SUPT6H: variants seen among roughly 807,000 people sequenced by gnomAD.
SUPT6H encodes SPT6 homolog, histone chaperone and transcription elongation factor.
A neutral mutation model predicts 222.3 loss-of-function variants in SUPT6H; 11 were observed. That is an observed-to-expected ratio of 0.05 (90% CI 0.03 to 0.08). The LOEUF (loss-of-function observed/expected upper bound fraction) is 0.08, where lower values mean the gene tolerates loss of function less well. SUPT6H is among the 10% of genes least tolerant of loss of function. The pLI is 1.00. For missense variants in SUPT6H, 1,422 were observed against 2,216.0 expected (o/e 0.64, Z 7.19); for synonymous variants, 762 against 801.2 (o/e 0.95, Z 0.83).
At position 28,701,066 on chromosome 17, in the gene SUPT6H, A is replaced by C. The variant is rs975130320; in HGVS notation, c.4932A>C (p.Pro1644=). ...ACCAGCTCCAGGCCAGCACCACCCC[A>C]CAGTCGGCCCAGGCCCAGCCCCAGC... ...QYHQLQASTT[P]QSAQAQPQPS... The change falls in exon 36 of 37, where the codon CCA becomes CCC. Residue 1644 remains proline (P), a synonymous_variant. Coordinates refer to ENST00000314616, the MANE Select transcript of SUPT6H (RefSeq NM_003170.5). 1 of 1,613,822 alleles carries C rather than the reference A, an allele frequency of 6.2e-7. No individual in the cohort carries two copies. Among genetic ancestry groups the C allele is most frequent in the Non-Finnish European group, 8.5e-7 (1 of 1,179,970 alleles).
intron 13 of SUPT6H, 121 bp from the exon 14 acceptor site, chr17:28,682,606 G>A (rs1037419778): frequency 7.1e-7 from 1 of 1,409,226 alleles, no homozygotes; most frequent in African/African-American, 1.4e-5. Flanking sequence ...GGGCAACAGA[G>A]CGAGACCGTC....
chr17:28,696,776 G>A, intron 29 of SUPT6H, 68 bp from the exon 30 acceptor site: 1 of 1,409,426 alleles, frequency 7.1e-7, no homozygotes, highest in Non-Finnish European at 1.0e-6. Flanking sequence ...ATGAAGGCCT[G>A]GTTTGTCCTG....
chr17:28,673,788 TATA>T (rs2030574743), intron 2 of SUPT6H, among the ~76,000 whole-genome samples: 1 of 152,246 alleles, frequency 6.6e-6, no homozygotes, highest in Non-Finnish European at 1.5e-5. Flanking sequence ...TAAGTCTGTA[TATA>T]ATACTTTCTG....
intron 2 of SUPT6H, 109 bp from the exon 3 acceptor site, chr17:28,674,174 G>A (rs2030597372): frequency 7.4e-7 from 1 of 1,357,342 alleles, no homozygotes; most frequent in Non-Finnish European, 1.0e-6. Flanking sequence ...AGTTAACATG[G>A]CACCCAGGTC....
intron 13 of SUPT6H, 138 bp downstream of exon 13, chr17:28,682,118 G>T: frequency 1.6e-6 from 1 of 636,390 alleles, no homozygotes; most frequent in South Asian, 2.2e-5. Context: ...CTATTAGCTG[G>T]TCTTTAAAAA....
intron 8 of SUPT6H, 29 bp downstream of exon 8, chr17:28,677,845 C>T: frequency 6.3e-7 from 1 of 1,595,150 alleles, no homozygotes; most frequent in Non-Finnish European, 8.6e-7. Context: ...TAGGTTTTGA[C>T]ATGAACCAAA....
rs201049257 is a variant in SUPT6H, at chr17:28,677,831, T to A, written c.999+15T>A. 818 of 1,610,622 alleles carry A rather than the reference T, an allele frequency of 5.1e-4. No homozygotes were observed. Among genetic ancestry groups the A allele is most frequent in the Admixed American group, 1.4e-3 (81 of 59,936 alleles). ...TTTCTCTCCAGGTACACAAAAAAGA[T>A]CCTTAGGTTTTGACATGAACCAAAA... is the stretch of plus-strand genomic sequence containing the variant. On this transcript the variant is annotated intron_variant, in intron 8 of 36. Coordinates refer to ENST00000314616, the MANE Select transcript of SUPT6H (RefSeq NM_003170.5).
In SUPT6H at chr17:28,676,151, C is replaced by T. The variant is rs2030734435; in HGVS notation, c.624-6C>T. 1 of 1,579,950 alleles carries T rather than the reference C, an allele frequency of 6.3e-7. No individual in the cohort carries two copies. On this transcript the variant is annotated splice_region_variant and splice_polypyrimidine_tract_variant and intron_variant, in intron 6 of 36. Coordinates refer to ENST00000314616, the MANE Select transcript of SUPT6H (RefSeq NM_003170.5). The stretch of plus-strand genomic sequence containing the variant: ...TGAGCCACCTGCCTCTTGCTGCCAC[C>T]TACAGGGCCCTGCAAGAAGCCCAGG...
intron 16 of SUPT6H, 30 bp downstream of exon 16, chr17:28,683,452 TG>T (rs756180612): frequency 6.2e-7 from 1 of 1,612,282 alleles, no homozygotes; most frequent in South Asian, 1.1e-5. Context: ...GGCGACTCTC[TG>T]GGGAAGGCCT....
intron 7 of SUPT6H, among the ~76,000 whole-genome samples, chr17:28,676,817 C>T (rs750880768): frequency 2.0e-5 from 3 of 151,906 alleles, no homozygotes; most frequent in East Asian, 1.9e-4. Flanking sequence ...GTTTCAGCCA[C>T]TCAGGAGGCT....
chr17:28,668,688 G>A (rs1168360842), intron 1 of SUPT6H, among the ~76,000 whole-genome samples: 5 of 152,146 alleles, frequency 3.3e-5, no homozygotes, highest in African/African-American at 1.2e-4. Context: ...GCAGGAGCTG[G>A]CATTTAATTT....
chr17:28,681,959 A>G lies in SUPT6H; in HGVS notation c.1576A>G (p.Ile526Val). The G allele has an allele frequency of 4.4e-6, 7 of 1,607,118 alleles. No individual in the cohort carries two copies. Among genetic ancestry groups the G allele is most frequent in the Non-Finnish European group, 5.9e-6 (7 of 1,177,856 alleles). The change falls in exon 13 of 37, where the codon ATC (isoleucine) becomes GTC (valine). Residue 526 changes from isoleucine to valine, a missense_variant. Coordinates refer to ENST00000314616, the MANE Select transcript of SUPT6H (RefSeq NM_003170.5). ...AGCCTCTCGCCGAGACATGTACACCATCTGCCAGAGTGCTGGGCTAGGTAA... is the reference window on the plus strand; with the variant it reads ...AGCCTCTCGCCGAGACATGTACACCGTCTGCCAGAGTGCTGGGCTAGGTAA... ...KQASRRDMYT[I>V]CQSAGLDGLA...
intron 33 of SUPT6H, 67 bp from the exon 34 acceptor site, chr17:28,700,106 A>G (rs930441679): frequency 1.2e-6 from 2 of 1,605,344 alleles, no homozygotes; most frequent in Non-Finnish European, 1.7e-6. Flanking sequence ...TGCCCCTTCC[A>G]CCCCCTGAAT....
intron 11 of SUPT6H, among the ~76,000 whole-genome samples, chr17:28,680,142 TA>T (rs1435998074): frequency 6.7e-6 from 1 of 149,772 alleles, no homozygotes; most frequent in Non-Finnish European, 1.5e-5. Flanking sequence ...CCGTCTCTAC[TA>T]AAAATACAAA....
In SUPT6H at chr17:28,685,457, A is replaced by T. The variant is rs546521729; in HGVS notation, c.2487+496A>T. ...ACTTCTTAAGAAACAACTATTTTTTAAATTTTATTATTATCATTATTATTA... is the reference window on the plus strand; with the variant it reads ...ACTTCTTAAGAAACAACTATTTTTTTAATTTTATTATTATCATTATTATTA... On this transcript the variant is annotated intron_variant, in intron 19 of 36. Transcript: ENST00000314616. Among the ~76,000 whole-genome samples the T allele has an allele frequency of 9.1e-5, 13 of 142,300 alleles. No homozygotes were observed. In the East Asian group the frequency reaches 2.7e-3, roughly 29 times the overall value. The allele number at this position is 142,300 out of a possible 152,430, so 93.4% of individuals were successfully genotyped here.
Position 28,677,669 on chromosome 17 carries a change from G to A in SUPT6H, c.898-46G>A, listed in dbSNP as rs139576045. ...AAAAAGGTATGTTTTTCTTAAGTGA[G>A]ACACAAGATAAAGTCCGTCTCACCC... On this transcript the variant is annotated intron_variant, in intron 7 of 36. Coordinates refer to ENST00000314616, the MANE Select transcript of SUPT6H (RefSeq NM_003170.5). 2.7e-4 allele frequency: 376 copies of A among 1,395,466 alleles called. 1 individual carries two copies. The African/African-American group carries it at 4.9e-3, about 18-fold the overall frequency. The allele number at this position is 1,395,466 out of a possible 1,614,324, so 86.4% of individuals were successfully genotyped here.
chr17:28,677,910 CCTGGTATTAGAAAA>C (rs1293992287), intron 8 of SUPT6H, 94 bp downstream of exon 8: 1 of 1,347,992 alleles, frequency 7.4e-7, no homozygotes, highest in East Asian at 2.3e-5. Flanking sequence ...CATCCGTGTG[CCTGGTATTAGAAAA>C]CTGTGTGTAT....
chr17:28,677,805 A>G lies in SUPT6H; in HGVS notation c.988A>G (p.Ile330Val), dbSNP rs757128199. 1.3e-5 allele frequency: 21 copies of G among 1,613,904 alleles called. No individual in the cohort carries two copies. In the Admixed American group the frequency reaches 1.5e-4, roughly 12 times the overall value. ...IYRNAFATPT[I>V]SLQESCDYLD... The stretch of plus-strand genomic sequence containing the variant: ...CAGGAATGCTTTTGCCACACCAACC[A>G]TTTCTCTCCAGGTACACAAAAAAGA... Residue 330 changes from isoleucine to valine, a missense_variant, in exon 8 of 37, where the codon ATT becomes GTT. By Grantham distance (29) the Ile-to-Val change is conservative. Coordinates refer to ENST00000314616, the MANE Select transcript of SUPT6H (RefSeq NM_003170.5).
At position 28,700,424 on chromosome 17, in the gene SUPT6H, A is replaced by G; in HGVS notation, c.4718A>G (p.Gln1573Arg). Residue 1573 changes from glutamine (Q) to arginine (R), a missense_variant, in exon 35 of 37, where the codon CAA (glutamine) becomes CGA (arginine). Gln to Arg is a conservative substitution (Grantham distance 43, BLOSUM62 1). This residue lies in a region of SUPT6H where 395 missense variants were observed against 580.6 expected (regional missense o/e 0.68). Coordinates refer to ENST00000314616, the MANE Select transcript of SUPT6H (RefSeq NM_003170.5). ...MFSAIAAVTG[Q>R]GQNPNATPAQ... Reference sequence around the variant, plus strand: ...AGTGCCATTGCTGCGGTGACAGGCCAAGGACAGAACCCTAATGCCACCCCA... The same window carrying G: ...AGTGCCATTGCTGCGGTGACAGGCCGAGGACAGAACCCTAATGCCACCCCA... 6.2e-7 allele frequency: 1 copy of G among 1,614,218 alleles called. No homozygotes were observed. The highest frequency in any genetic ancestry group is 8.5e-7 in the Non-Finnish European group (1 of 1,180,036).
Sources: gnomAD v4.1 joint callset for allele counts (sites outside exome capture counted in the v4.1 genomes callset) on GRCh38, gnomAD v4.1.1 for gene constraint, gnomAD v4.1.1 regional missense constraint, MANE v1.5 for transcripts, NCBI Gene and HGNC (gene_info 2026-07-23, HGNC 2026-07-21) for gene names.